The following GPHN variants were observed in gnomAD, a reference collection of about 807,000 sequenced individuals.
GPHN encodes the protein gephyrin.
GPHN carries 17 observed loss-of-function variants against 95.5 expected under a neutral mutation model. The ratio of observed to expected loss-of-function variants is 0.18; its 90% CI spans 0.12 to 0.27. GPHN has a LOEUF of 0.27. Among genes scored for constraint, GPHN ranks in the 10% least tolerant of loss-of-function variants. The probability of loss-of-function intolerance (pLI) is 1.00; values close to 1 mark genes in which losing one functional copy is unlikely to be tolerated. For missense variants in GPHN, 660 were observed against 978.1 expected, an observed-to-expected ratio of 0.67 and a Z score of 4.34; for synonymous variants, 320 against 322.5, an observed-to-expected ratio of 0.99 and a Z score of 0.08.
At chr14:66,588,281 G>A (rs1326404845) in intron 1 of GPHN, among the ~76,000 whole-genome samples, 1 of 151,950 alleles carries the variant, frequency 6.6e-6, no homozygotes, top group Non-Finnish European at 1.5e-5. Context: ...CGAAGTTGAG[G>A]AGGAACCAGC....
At chr14:66,543,443 C>T (rs1049022959) in intron 1 of GPHN, among the ~76,000 whole-genome samples, 4 of 152,106 alleles carry the variant, frequency 2.6e-5, no homozygotes, top group Admixed American at 2.0e-4. Context: ...TCTGCACTCA[C>T]TTTCTTGATG....
the GPHN span, among the ~76,000 whole-genome samples, chr14:67,346,824 T>G: frequency 6.6e-6 from 1 of 152,188 alleles, no homozygotes; most frequent in Non-Finnish European, 1.5e-5. Context: ...CAGTGCATTG[T>G]GGGTGTAGGA....
chr14:67,710,119 A>G, the GPHN span, among the ~76,000 whole-genome samples: 3 of 152,316 alleles, frequency 2.0e-5, no homozygotes, highest in Non-Finnish European at 2.9e-5. Context: ...TACTTCTTAC[A>G]TATATTGATT....
At chr14:67,105,333 A>AAT (rs2077977039) in intron 13 of GPHN, among the ~76,000 whole-genome samples, 1 of 152,126 alleles carries the variant, frequency 6.6e-6, no homozygotes, top group Non-Finnish European at 1.5e-5. Context: ...ATGTACTTTA[A>AAT]ATATCTGTTA....
At chr14:66,877,420 T>G (rs2063721566) in intron 4 of GPHN, among the ~76,000 whole-genome samples, 1 of 152,144 alleles carries the variant, frequency 6.6e-6, no homozygotes, top group Admixed American at 6.5e-5. Flanking sequence ...TAAAGGGTAT[T>G]CAAATAAGAA....
At chr14:66,575,682 G>C (rs1040951197) in intron 1 of GPHN, among the ~76,000 whole-genome samples, 2 of 152,154 alleles carry the variant, frequency 1.3e-5, no homozygotes, top group East Asian at 3.9e-4. Context: ...GAGCAGGCCT[G>C]GATCCTGGGT....
chr14:66,846,817 A>G (rs560418041), intron 4 of GPHN, among the ~76,000 whole-genome samples: 2 of 152,158 alleles, frequency 1.3e-5, no homozygotes, highest in Non-Finnish European at 2.9e-5. Flanking sequence ...ACTAATGTCC[A>G]ATAGGCTGTT....
the GPHN span, among the ~76,000 whole-genome samples, chr14:67,346,424 A>C: frequency 1.3e-5 from 2 of 152,060 alleles, no homozygotes; most frequent in Middle Eastern, 3.4e-3. Flanking sequence ...CAATCCTCCC[A>C]CCTCGGCCTC....
the GPHN span, among the ~76,000 whole-genome samples, chr14:67,671,483 A>AAGTCG: frequency 6.6e-6 from 1 of 152,094 alleles, no homozygotes; most frequent in South Asian, 2.1e-4. Context: ...CTGAGATTGT[A>AAGTCG]CCACTGCACT....
chr14:67,027,816 A>G (rs1456148277), intron 10 of GPHN, among the ~76,000 whole-genome samples: 1 of 152,168 alleles, frequency 6.6e-6, no homozygotes, highest in Admixed American at 6.5e-5. Context: ...AGAATTTGTA[A>G]TGATCAAGTC....
chr14:66,746,943 G>A (rs2058175351), intron 2 of GPHN, among the ~76,000 whole-genome samples: 3 of 152,076 alleles, frequency 2.0e-5, no homozygotes, highest in Admixed American at 2.0e-4. Flanking sequence ...AGGGTTTGGG[G>A]CATAGAAAAA....
the GPHN span, chr14:67,600,253 C>T: frequency 2.8e-6 from 4 of 1,444,574 alleles, no homozygotes; most frequent in Non-Finnish European, 2.8e-6. Flanking sequence ...CTGCGCTCGC[C>T]GGCCCTGGCC....
the GPHN span, among the ~76,000 whole-genome samples, chr14:67,355,246 A>T: frequency 1.3e-5 from 2 of 152,054 alleles, no homozygotes; most frequent in African/African-American, 4.8e-5. Flanking sequence ...CAAATGACAT[A>T]CGTAAGATTC....
At chr14:67,222,020 A>C in the GPHN span, 1 of 559,554 alleles carries the variant, frequency 1.8e-6, no homozygotes, top group East Asian at 3.1e-5. Context: ...AGTGGAAAAC[A>C]TTATGGTACT....
the GPHN span, among the ~76,000 whole-genome samples, chr14:67,601,707 G>A: frequency 9.2e-5 from 14 of 151,988 alleles, no homozygotes; most frequent in African/African-American, 3.4e-4. Context: ...TTCAAGATCA[G>A]CCTGGCCAAC....
the GPHN span, chr14:67,650,946 A>AC: frequency 6.2e-7 from 1 of 1,604,532 alleles, no homozygotes; most frequent in Admixed American, 1.7e-5. Flanking sequence ...GACATGTTTC[A>AC]CAACAGGCAT....
chr14:67,379,654 C>CTTTTTTTTTTTTTTTTTTTTTTT, the GPHN span, among the ~76,000 whole-genome samples: 27 of 119,952 alleles, frequency 2.3e-4, no homozygotes, highest in African/African-American at 8.3e-4. Flanking sequence ...TTTTCTTTTT[C>CTTTTTTTTTTTTTTTTTTTTTTT]TTTTTTTTTT....
chr14:67,123,172 A>G (rs1362825392), intron 17 of GPHN, among the ~76,000 whole-genome samples: 1 of 152,228 alleles, frequency 6.6e-6, no homozygotes, highest in African/African-American at 2.4e-5. Flanking sequence ...CTCATGATGT[A>G]TCTATCACCC....
intron 5 of GPHN, among the ~76,000 whole-genome samples, chr14:66,890,505 A>G (rs993584922): frequency 6.6e-6 from 1 of 151,908 alleles, no homozygotes; most frequent in Non-Finnish European, 1.5e-5. Context: ...GTATTTCAAG[A>G]ACAACTGACA....
Sources: gnomAD v4.1 joint callset for allele counts (sites outside exome capture counted in the v4.1 genomes callset) on GRCh38, gnomAD v4.1.1 for gene constraint, MANE v1.5 for transcripts, NCBI Gene and HGNC (gene_info 2026-07-23, HGNC 2026-07-21) for gene names.